Variants in CUX1 observed in about 807,000 individuals in gnomAD.
CUX1 encodes the protein cut like homeobox 1.
Under a neutral mutation model 158.8 loss-of-function variants are expected in CUX1, and 31 were observed. That is an observed-to-expected ratio of 0.20 (90% CI 0.15 to 0.26). The LOEUF (loss-of-function observed/expected upper bound fraction) is 0.26, where lower values mean the gene tolerates loss of function less well. Ranked by LOEUF, CUX1 falls within the 10% of genes least tolerant of loss-of-function variation. The probability of loss-of-function intolerance (pLI) is 1.00; values close to 1 mark genes in which losing one functional copy is unlikely to be tolerated. For missense variants in CUX1, 1,589 were observed against 2,014.6 expected (o/e 0.79, Z 4.04); for synonymous variants, 879 against 862.1 (o/e 1.02, Z -0.34).
At chr7:101,922,361 T>C (rs1805055556) in intron 2 of CUX1, among the ~76,000 whole-genome samples, 3 of 152,246 alleles carry the variant, frequency 2.0e-5, no homozygotes, top group Admixed American at 2.0e-4. Flanking sequence ...TCAGTGGTGA[T>C]AAAGTTCTCT....
At chr7:102,030,652 T>C (rs1265611874) in intron 3 of CUX1, among the ~76,000 whole-genome samples, 2 of 149,746 alleles carry the variant, frequency 1.3e-5, no homozygotes, top group African/African-American at 4.9e-5. Context: ...ACACATTACA[T>C]TTGGAAATCT....
intron 22 of CUX1, among the ~76,000 whole-genome samples, chr7:102,235,158 A>G (rs1799416378): frequency 6.6e-6 from 1 of 152,244 alleles, no homozygotes; most frequent in African/African-American, 2.4e-5. Context: ...TGTAGGCTAC[A>G]GCATAGGAAA....
In CUX1 at chr7:102,248,849, G is replaced by A. The variant is rs1281939339; in HGVS notation, c.4325G>A (p.Ser1442Asn). ...PAAPSSAPPP[S>N]NSSSSSAPRR... ...GCCCCGAGCTCCGCGCCGCCGCCCA[G>A]CAACAGCAGCAGCAGCAGCGCCCCC... Residue 1442 changes from serine to asparagine, a missense_variant, in exon 24 of 24, where the codon AGC (serine) becomes AAC (asparagine). By Grantham distance (46) the Ser-to-Asn change is conservative (BLOSUM62 1). Coordinates refer to ENST00000292535, the MANE Select transcript of CUX1 (RefSeq NM_181552.4). This position sits in a 1 kb window ranked among gnomAD's most constrained non-coding sequence, Gnocchi z 5.8. 4.0e-6 allele frequency: 5 copies of A among 1,264,446 alleles called. No individual in the cohort carries two copies. The African/African-American group carries it at 6.4e-5, about 16-fold the overall frequency. 78.3% of individuals were successfully genotyped at this position (1,264,446 alleles called of 1,614,324 possible).
chr7:101,885,096 A>G (rs1017873781), intron 1 of CUX1, among the ~76,000 whole-genome samples: 1 of 152,190 alleles, frequency 6.6e-6, no homozygotes, highest in Non-Finnish European at 1.5e-5. Context: ...ATTTTTACAC[A>G]CAAGCCTTTC....
intron 14 of CUX1, among the ~76,000 whole-genome samples, chr7:102,266,813 C>T (rs1432020503): frequency 4.6e-5 from 7 of 151,998 alleles, no homozygotes; most frequent in South Asian, 4.1e-4. Context: ...GGACAGTCAG[C>T]GTGAGGGGTG....
intron 2 of CUX1, among the ~76,000 whole-genome samples, chr7:101,987,278 G>C (rs888115883): frequency 4.6e-5 from 7 of 152,224 alleles, no homozygotes; most frequent in Non-Finnish European, 1.0e-4. Flanking sequence ...ACGGTAAACA[G>C]AGGCGCTCCT....
At chr7:102,085,218 G>T (rs531933110) in intron 4 of CUX1, among the ~76,000 whole-genome samples, 1 of 152,122 alleles carries the variant, frequency 6.6e-6, no homozygotes, top group South Asian at 2.1e-4. Flanking sequence ...ATCTTACTTA[G>T]CCATGCATTT....
Position 102,193,895 on chromosome 7 carries a change from G to A in CUX1, c.1125+5G>A, listed in dbSNP as rs377278343. On this transcript the variant is annotated splice_donor_5th_base_variant and intron_variant, in intron 13 of 23. Transcript: ENST00000292535. ...TCCGAGGGCGCTGGGACACAGGTAC[G>A]TGTCTCACCTCAATGGTCAGCACTA... 35 of 1,613,802 alleles carry A rather than the reference G, an allele frequency of 2.2e-5. No individual in the cohort carries two copies. In the African/African-American group the frequency reaches 2.4e-4, roughly 11 times the overall value.
chr7:102,228,303 T>A (rs1420721750), intron 21 of CUX1, among the ~76,000 whole-genome samples: 1 of 152,022 alleles, frequency 6.6e-6, no homozygotes, highest in Non-Finnish European at 1.5e-5. Context: ...TAAGTCCAGA[T>A]TTCTTGAGGC....
At chr7:102,195,644 G>A (rs372903180) in intron 14 of CUX1, 41 bp downstream of exon 14, 81 of 1,539,248 alleles carry the variant, frequency 5.3e-5, no homozygotes, top group Non-Finnish European at 6.9e-5. Context: ...TGGTTGGTTC[G>A]CTTCCAGGGG....
chr7:102,278,286 A>G (rs370354726), intron 18 of CUX1, among the ~76,000 whole-genome samples: 59 of 152,268 alleles, frequency 3.9e-4, no homozygotes, highest in African/African-American at 1.4e-3. Flanking sequence ...GTCCAGATTC[A>G]TTCATAAAAA....
intron 2 of CUX1, among the ~76,000 whole-genome samples, chr7:101,963,573 A>T (rs1363388665): frequency 6.6e-6 from 1 of 152,238 alleles, no homozygotes; most frequent in Non-Finnish European, 1.5e-5. Context: ...GGCCTGATCC[A>T]GTCACTCAAC....
intron 2 of CUX1, among the ~76,000 whole-genome samples, chr7:101,977,978 C>T (rs1449914486): frequency 4.6e-5 from 7 of 151,360 alleles, no homozygotes; most frequent in African/African-American, 1.7e-4. Context: ...TTTTTTTTCC[C>T]TGACCCCTGT....
chr7:101,870,976 G>A (rs574072370), intron 1 of CUX1, among the ~76,000 whole-genome samples: 1 of 152,350 alleles, frequency 6.6e-6, no homozygotes, highest in South Asian at 2.1e-4. Flanking sequence ...TGCCTTGGAT[G>A]GACCTAGCCA....
chr7:102,165,488 C>G (rs1299702913), intron 9 of CUX1, among the ~76,000 whole-genome samples: 1 of 151,754 alleles, frequency 6.6e-6, no homozygotes, highest in African/African-American at 2.4e-5. Flanking sequence ...TCTCAGTCTC[C>G]CAAGTAGCTG....
intron 1 of CUX1, among the ~76,000 whole-genome samples, chr7:101,866,378 C>T (rs1447504676): frequency 2.0e-5 from 3 of 151,388 alleles, no homozygotes; most frequent in Non-Finnish European, 4.4e-5. Flanking sequence ...GGCTGAGGAA[C>T]TAGAATCTCG....
At chr7:102,053,376 A>T (rs1221583093) in intron 3 of CUX1, among the ~76,000 whole-genome samples, 2 of 152,224 alleles carry the variant, frequency 1.3e-5, no homozygotes, top group African/African-American at 2.4e-5. Context: ...CAGGCATGCT[A>T]CGTGTAATAA....
chr7:102,238,814 C>G (rs1208723289), intron 22 of CUX1, among the ~76,000 whole-genome samples: 3 of 152,230 alleles, frequency 2.0e-5, no homozygotes, highest in African/African-American at 7.2e-5. Flanking sequence ...ACCTGACATT[C>G]CGTCAGAGCA....
At chr7:102,000,295 T>A (rs1416816038) in intron 2 of CUX1, among the ~76,000 whole-genome samples, 1 of 151,906 alleles carries the variant, frequency 6.6e-6, no homozygotes, top group East Asian at 1.9e-4. Flanking sequence ...GACACATGTG[T>A]CTTAAGCTTG....
Sources: allele counts gnomAD v4.1 joint callset (sites outside exome capture counted in the v4.1 genomes callset), GRCh38; gene constraint gnomAD v4.1.1; non-coding constraint Gnocchi (gnomAD v3.1); transcripts MANE v1.5; gene names NCBI Gene and HGNC (gene_info 2026-07-23, HGNC 2026-07-21).